CAPN3: variants seen among roughly 807,000 people sequenced by gnomAD.
CAPN3 encodes the protein calpain 3, also known as calpain-3.
Under a neutral mutation model 114.0 loss-of-function variants are expected in CAPN3, and 88 were observed. The ratio of observed to expected loss-of-function variants is 0.77; its 90% CI spans 0.65 to 0.92. The LOEUF is 0.92. Ranked by LOEUF, CAPN3 falls within the 40% of genes least tolerant of loss-of-function variation. The probability of loss-of-function intolerance (pLI) is 0.00; values close to 1 mark genes in which losing one functional copy is unlikely to be tolerated. For missense variants in CAPN3, 1,028 were observed against 1,069.0 expected (o/e 0.96, Z 0.53); for synonymous variants, 386 against 382.9 (o/e 1.01, Z -0.09).
At chr15:42,378,923 G>C (rs1267758190) in intron 1 of CAPN3, among the ~76,000 whole-genome samples, 5 of 151,978 alleles carry the variant, frequency 3.3e-5, no homozygotes, top group African/African-American at 1.2e-4. Flanking sequence ...GTGTTGTTTG[G>C]TTTCCAAATA....
chr15:42,374,792 CTCTTT>C (rs1416344166), intron 1 of CAPN3, among the ~76,000 whole-genome samples: 24 of 136,164 alleles, frequency 1.8e-4, no homozygotes, highest in Non-Finnish European at 3.6e-4. Context: ...AATATCATGT[CTCTTT>C]TTTTTTTTTT....
In CAPN3 at chr15:42,410,995, T is replaced by C. The variant is rs2054206816; in HGVS notation, c.2375T>C (p.Met792Thr). The change falls in exon 22 of 24, where the codon ATG becomes ACG. Residue 792 changes from methionine to threonine, a missense_variant. Physicochemically the swap from Met to Thr is moderately conservative, Grantham distance 81 (BLOSUM62 -1). Transcript: ENST00000397163. ...FICCFVRLEGMFRAFHAFDKD... is the reference protein window; with the variant it reads ...FICCFVRLEGTFRAFHAFDKD... Reference sequence around the variant, plus strand: ...TGCTGCTTCGTTAGGCTGGAGGGCATGTTCAGTAAGTGGGAGAGGGGGGCT... The same window carrying C: ...TGCTGCTTCGTTAGGCTGGAGGGCACGTTCAGTAAGTGGGAGAGGGGGGCT... 3.1e-6 allele frequency: 5 copies of C among 1,612,090 alleles called. No homozygotes were observed. The highest frequency in any genetic ancestry group is 4.2e-6 in the Non-Finnish European group (5 of 1,178,178).
Position 42,409,388 on chromosome 15 carries a change from C to T in CAPN3, c.1992+8C>T, listed in dbSNP as rs2141220032. 1 of 1,612,758 alleles carries T rather than the reference C, an allele frequency of 6.2e-7. No homozygotes were observed. ...AAGCAGATAGCAGGAGATGTGAGTACCTCCAAGCCCAGGACGCCCACAGGT... is the reference window on the plus strand; with the variant it reads ...AAGCAGATAGCAGGAGATGTGAGTATCTCCAAGCCCAGGACGCCCACAGGT... On this transcript the variant is annotated splice_region_variant and intron_variant, in intron 17 of 23. Transcript: ENST00000397163.
At chr15:42,364,487 G>T (rs2052728317) in intron 1 of CAPN3, among the ~76,000 whole-genome samples, 1 of 152,196 alleles carries the variant, frequency 6.6e-6, no homozygotes, top group South Asian at 2.1e-4. Context: ...CCTATGACCA[G>T]TCAAGATATT....
At position 42,412,285 on chromosome 15, in the gene CAPN3, C is replaced by A; in HGVS notation, c.*512C>A. ...AAGTTTGGCTGCATTTTGAAAAAAG[C>A]TGATCTAAATAAAGGCATGTGTATG... On this transcript the variant is annotated 3_prime_UTR_variant, in exon 24 of 24. Coordinates refer to ENST00000397163, the MANE Select transcript of CAPN3 (RefSeq NM_000070.3). 8.6e-7 allele frequency: 1 copy of A among 1,164,556 alleles called. No individual in the cohort carries two copies. Among genetic ancestry groups the A allele is most frequent in the Non-Finnish European group, 1.2e-6 (1 of 822,258 alleles). The allele number at this position is 1,164,556 out of a possible 1,614,324, so 72.1% of individuals were successfully genotyped here. A position where few individuals can be genotyped will look rare whatever the true frequency, so the allele number is the denominator to read the frequency against.
At chr15:42,402,040 G>GGGCTGCAGTTGCT in intron 11 of CAPN3, 84 bp from the exon 12 acceptor site, 1 of 1,560,350 alleles carries the variant, frequency 6.4e-7, no homozygotes, top group Non-Finnish European at 8.8e-7. Context: ...TTCCGCATGC[G>GGGCTGCAGTTGCT]GGCTGCAGTT....
chr15:42,384,542 A>T lies in CAPN3; in HGVS notation c.369A>T (p.Gln123His). 1 of 1,613,158 alleles carries T rather than the reference A, an allele frequency of 6.2e-7. No individual in the cohort carries two copies. Among genetic ancestry groups the T allele is most frequent in the Non-Finnish European group, 8.5e-7 (1 of 1,179,094 alleles). The change falls in exon 2 of 24, where the codon CAA becomes CAT. Residue 123 changes from glutamine to histidine, a missense_variant. Transcript: ENST00000397163. Reference sequence around the variant, plus strand: ...GAGCCAACAGAACTGACATCTGTCAAGGAGAGCTAGGTAGGAAAGTGCCTC... The same window carrying T: ...GAGCCAACAGAACTGACATCTGTCATGGAGAGCTAGGTAGGAAAGTGCCTC... ...IDGANRTDIC[Q>H]GELGDCWFLA...
chr15:42,403,198 G>A (rs1239755970), intron 13 of CAPN3, among the ~76,000 whole-genome samples, 196 bp downstream of exon 13: 1 of 152,200 alleles, frequency 6.6e-6, no homozygotes, highest in East Asian at 1.9e-4. Context: ...TCCAGGCACT[G>A]TCCTAGGCAC....
intron 16 of CAPN3, 57 bp downstream of exon 16, chr15:42,408,381 C>T (rs757296760): frequency 4.2e-5 from 45 of 1,077,426 alleles, no homozygotes; most frequent in South Asian, 6.3e-5. Flanking sequence ...GCTTCCTATG[C>T]GCTTGGGATA....
At chr15:42,405,209 AT>A (rs2053983638) in intron 14 of CAPN3, among the ~76,000 whole-genome samples, 1 of 152,226 alleles carries the variant, frequency 6.6e-6, no homozygotes, top group African/African-American at 2.4e-5. Flanking sequence ...TTGCTCAAAA[AT>A]TTTTAAAAAA....
Position 42,360,041 on chromosome 15 carries a change from A to G in CAPN3, c.236A>G (p.Glu79Gly), listed in dbSNP as rs2052598528. 1 of 1,614,232 alleles carries G rather than the reference A, an allele frequency of 6.2e-7. No homozygotes were observed. Among genetic ancestry groups the G allele is most frequent in the Non-Finnish European group, 8.5e-7 (1 of 1,180,032 alleles). ...LEKKVLYVDP[E>G]FPPDETSLFY... ...AAGAAAGTTCTTTATGTGGACCCTG[A>G]GTTCCCACCGGATGAGACCTCTCTC... The change falls in exon 1 of 24, where the codon GAG becomes GGG. Residue 79 changes from glutamate to glycine, a missense_variant. Coordinates refer to ENST00000397163, the MANE Select transcript of CAPN3 (RefSeq NM_000070.3).
chr15:42,361,263 A>C (rs8026198), intron 1 of CAPN3, among the ~76,000 whole-genome samples: 46,867 of 152,082 alleles, frequency 0.31, 11,001 homozygotes, highest in African/African-American at 0.65. Flanking sequence ...CCCAAGAGTT[A>C]GAGACCAGCC....
chr15:42,360,265 G>A (rs906681126), intron 1 of CAPN3, 151 bp downstream of exon 1: 2 of 874,752 alleles, frequency 2.3e-6, no homozygotes, highest in South Asian at 1.4e-5. Flanking sequence ...GTGAAGCAGG[G>A]AGGAGAGGAA....
intron 1 of CAPN3, among the ~76,000 whole-genome samples, chr15:42,369,507 A>AG (rs1206631810): frequency 6.6e-6 from 1 of 152,120 alleles, no homozygotes; most frequent in Non-Finnish European, 1.5e-5. Context: ...CTCAAAAAGA[A>AG]GAAAAAAAAA....
At chr15:42,404,628 G>C (rs1207738579) in intron 14 of CAPN3, among the ~76,000 whole-genome samples, 1 of 152,262 alleles carries the variant, frequency 6.6e-6, no homozygotes, top group Non-Finnish European at 1.5e-5. Context: ...AGTGCTGTGT[G>C]TTGGGCTCTG....
At chr15:42,392,412 G>T (rs968916661) in intron 6 of CAPN3, among the ~76,000 whole-genome samples, 3 of 152,150 alleles carry the variant, frequency 2.0e-5, no homozygotes, top group Admixed American at 2.0e-4. Flanking sequence ...CTCTCTGATG[G>T]TCAGGACAGA....
intron 9 of CAPN3, 48 bp from the exon 10 acceptor site, chr15:42,399,444 C>G: frequency 1.4e-6 from 2 of 1,476,406 alleles, no homozygotes; most frequent in Non-Finnish European, 9.5e-7. Context: ...GTTCCCAGCC[C>G]TCCTCACCTG....
chr15:42,403,010 C>G lies in CAPN3; in HGVS notation c.1745+8C>G, dbSNP rs1278180136. ...AAAGAGGAACCTCTCTGAGTGAGTG[C>G]TGGCCCAGCTTTCCCACGTGTTTCT... On this transcript the variant is annotated splice_region_variant and intron_variant, in intron 13 of 23. Coordinates refer to ENST00000397163, the MANE Select transcript of CAPN3 (RefSeq NM_000070.3). 3 of 1,611,852 alleles carry G rather than the reference C, an allele frequency of 1.9e-6. No individual in the cohort carries two copies. Among genetic ancestry groups the G allele is most frequent in the Non-Finnish European group, 2.5e-6 (3 of 1,178,080 alleles).
intron 1 of CAPN3, among the ~76,000 whole-genome samples, chr15:42,371,442 T>G (rs1371285223): frequency 6.6e-6 from 1 of 152,222 alleles, no homozygotes; most frequent in Non-Finnish European, 1.5e-5. Context: ...TTCCTAATTA[T>G]AAATAAGGCA....
Sources: gnomAD v4.1 joint callset for allele counts (sites outside exome capture counted in the v4.1 genomes callset) on GRCh38, gnomAD v4.1.1 for gene constraint, MANE v1.5 for transcripts, NCBI Gene and HGNC (gene_info 2026-07-23, HGNC 2026-07-21) for gene names.